CALN1: variants seen among roughly 807,000 people sequenced by gnomAD.
CALN1 encodes calneuron 1, also known as calcium-binding protein 8.
CALN1 carries 17 observed loss-of-function variants against 30.6 expected under a neutral mutation model. That is an observed-to-expected ratio of 0.56 (90% confidence interval 0.38 to 0.83). The LOEUF (loss-of-function observed/expected upper bound fraction) is 0.83, where lower values mean the gene tolerates loss of function less well. Among genes scored for constraint, CALN1 ranks in the 40% least tolerant of loss-of-function variants. The probability of loss-of-function intolerance (pLI) is 0.00; values close to 1 mark genes in which losing one functional copy is unlikely to be tolerated. For synonymous variants in CALN1, 156 were observed against 131.4 expected (o/e 1.19, Z -1.28); for missense variants, 291 against 354.9 (o/e 0.82, Z 1.45).
At chr7:72,138,042 G>A (rs4719216) in intron 3 of CALN1, among the ~76,000 whole-genome samples, 24,288 of 152,060 alleles carry the variant, frequency 0.16, 2,438 homozygotes, top group East Asian at 0.29. Context: ...AATAGACTAT[G>A]GGATGGCAAC....
At chr7:72,452,335 T>C in the CALN1 span, among the ~76,000 whole-genome samples, 1 of 152,104 alleles carries the variant, frequency 6.6e-6, no homozygotes, top group African/African-American at 2.4e-5. Context: ...CCCCCAATGT[T>C]AGAGGTGGGG....
Position 72,331,558 on chromosome 7 carries a change from G to A in CALN1, c.120-52748C>T, listed in dbSNP as rs1371734408. ...CAAAATTGGGGCTTAGCCTGGGAGG[G>A]TTCTTGGCTTTGCCCAGGAAAGAAT... On this transcript the variant is annotated intron_variant, in intron 2 of 6. Coordinates refer to ENST00000395275, the MANE Select transcript of CALN1 (RefSeq NM_031468.4). Among the ~76,000 whole-genome samples the A allele has an allele frequency of 2.0e-5, 3 of 152,286 alleles. No homozygotes were observed. In the East Asian group the frequency reaches 5.8e-4, roughly 29 times the overall value.
chr7:72,468,642 C>A, the CALN1 span, among the ~76,000 whole-genome samples: 1 of 152,198 alleles, frequency 6.6e-6, no homozygotes, highest in African/African-American at 2.4e-5. Context: ...GCACAACCAA[C>A]TGTTTTCCAC....
intron 5 of CALN1, among the ~76,000 whole-genome samples, chr7:71,817,910 A>G (rs1365378182): frequency 6.6e-6 from 1 of 151,908 alleles, no homozygotes; most frequent in Non-Finnish European, 1.5e-5. Flanking sequence ...GTCAAGGACC[A>G]TGAGTAGCAT....
intron 5 of CALN1, among the ~76,000 whole-genome samples, chr7:71,958,018 T>C (rs1797047082): frequency 7.3e-6 from 1 of 137,752 alleles, no homozygotes; most frequent in Admixed American, 8.4e-5. Context: ...TGAGCCCAGA[T>C]TGTGCCATTG....
chr7:72,369,018 T>C (rs1315052434), intron 2 of CALN1, among the ~76,000 whole-genome samples: 1 of 151,594 alleles, frequency 6.6e-6, no homozygotes. Context: ...TTTCACCATG[T>C]TGGCCAGGCT....
chr7:71,898,316 T>A (rs1793663578), intron 5 of CALN1, among the ~76,000 whole-genome samples: 1 of 151,796 alleles, frequency 6.6e-6, no homozygotes, highest in Non-Finnish European at 1.5e-5. Context: ...GGCAACAGAG[T>A]GAGACTCCAT....
intron 5 of CALN1, among the ~76,000 whole-genome samples, chr7:71,894,628 G>C (rs1793437735): frequency 6.6e-6 from 1 of 152,064 alleles, no homozygotes. Context: ...GATGAGATTA[G>C]AATATATCTG....
At chr7:71,894,903 A>G (rs187396809) in intron 5 of CALN1, among the ~76,000 whole-genome samples, 2 of 152,250 alleles carry the variant, frequency 1.3e-5, no homozygotes, top group East Asian at 3.9e-4. Context: ...CTGACTGGTT[A>G]TTGATAAGAA....
Position 72,065,265 on chromosome 7 carries a change from G to A in CALN1, c.388+40886C>T, listed in dbSNP as rs1387314652. ...TCATGGCCAGCAATCTCAACTATTA[G>A]TTGTACTGTTTGTTCATACTACAGC... On this transcript the variant is annotated intron_variant, in intron 4 of 6. Coordinates refer to ENST00000395275, the MANE Select transcript of CALN1 (RefSeq NM_031468.4). Among the ~76,000 whole-genome samples the A allele has an allele frequency of 4.6e-5, 7 of 151,802 alleles. No individual in the cohort carries two copies. The South Asian group carries it at 1.5e-3, about 32-fold the overall frequency.
chr7:72,248,570 ACCCTCCAG>A lies in CALN1; in HGVS notation c.244+30108_244+30115del, dbSNP rs553740614. Among the ~76,000 whole-genome samples, 268 of 151,744 alleles carry A rather than the reference ACCCTCCAG, an allele frequency of 1.8e-3. 4 individuals carry two copies. Among genetic ancestry groups the A allele is most frequent in the Non-Finnish European group, 5.3e-4 (36 of 67,944 alleles). On this transcript the variant is annotated intron_variant, in intron 3 of 6. Coordinates refer to ENST00000395275, the MANE Select transcript of CALN1 (RefSeq NM_031468.4). ...ATCATCATATGGCTTTCTGACTCTG[ACCCTCCAG>A]CCTCCCTCTTATAAGGACACTTATC...
chr7:71,890,094 A>G (rs1793152557), intron 5 of CALN1, among the ~76,000 whole-genome samples: 1 of 152,162 alleles, frequency 6.6e-6, no homozygotes, highest in Non-Finnish European at 1.5e-5. Context: ...TGAGAATGAG[A>G]ACAGAGCTTT....
chr7:72,258,073 C>A (rs890379617), intron 3 of CALN1, among the ~76,000 whole-genome samples: 1 of 151,944 alleles, frequency 6.6e-6, no homozygotes, highest in African/African-American at 2.4e-5. Context: ...GAAGAACTTA[C>A]CCATGTAACC....
intron 2 of CALN1, among the ~76,000 whole-genome samples, chr7:72,315,790 T>C (rs1800401402): frequency 6.6e-6 from 1 of 152,100 alleles, no homozygotes; most frequent in Non-Finnish European, 1.5e-5. Context: ...TCATTGCTGC[T>C]GGAAATTAAA....
chr7:72,285,179 G>C (rs1426787743), intron 2 of CALN1, among the ~76,000 whole-genome samples: 1 of 152,136 alleles, frequency 6.6e-6, no homozygotes, highest in African/African-American at 2.4e-5. Context: ...TTGACCAGTG[G>C]ACTTGATTTT....
chr7:72,394,500 A>G (rs1363118002), intron 2 of CALN1, among the ~76,000 whole-genome samples: 1 of 152,218 alleles, frequency 6.6e-6, no homozygotes, highest in East Asian at 1.9e-4. Context: ...GGACTGGTCC[A>G]GTACATTGCA....
intron 2 of CALN1, among the ~76,000 whole-genome samples, chr7:72,377,728 T>A (rs531136452): frequency 6.6e-6 from 1 of 152,158 alleles, no homozygotes; most frequent in Non-Finnish European, 1.5e-5. Context: ...CTTAAACTTA[T>A]GAAACCCCAA....
intron 5 of CALN1, among the ~76,000 whole-genome samples, chr7:72,014,457 T>C (rs555761376): frequency 1.2e-3 from 185 of 152,306 alleles, no homozygotes; most frequent in African/African-American, 4.4e-3. Context: ...TCTGAGAAGA[T>C]AACTGTTAAC....
chr7:72,064,575 C>T (rs1272106576), intron 4 of CALN1, among the ~76,000 whole-genome samples: 2 of 152,112 alleles, frequency 1.3e-5, no homozygotes, highest in African/African-American at 4.8e-5. Flanking sequence ...CAGTAAAAAT[C>T]ATATATTTTG....
Sources: allele counts gnomAD v4.1 joint callset (sites outside exome capture counted in the v4.1 genomes callset), GRCh38; gene constraint gnomAD v4.1.1; transcripts MANE v1.5; gene names NCBI Gene and HGNC (gene_info 2026-07-23, HGNC 2026-07-21).